PCBP3: variants seen among roughly 807,000 people sequenced by gnomAD.
PCBP3 encodes the protein poly(rC)-binding protein 3.
In PCBP3, 25 loss-of-function variants were observed where a neutral mutation model predicts 52.7. The ratio of observed to expected loss-of-function variants is 0.47; its 90% CI spans 0.35 to 0.66. The LOEUF (loss-of-function observed/expected upper bound fraction) is 0.66, where lower values mean the gene tolerates loss of function less well. Among genes scored for constraint, PCBP3 ranks in the 30% least tolerant of loss-of-function variants. PCBP3 has a pLI of 0.01. For missense variants in PCBP3, 391 were observed against 490.3 expected (o/e 0.80, Z 1.91); for synonymous variants, 162 against 183.0 (o/e 0.89, Z 0.93).
intron 7 of PCBP3, among the ~76,000 whole-genome samples, chr21:45,899,982 T>A (rs544714628): frequency 1.5e-5 from 2 of 133,062 alleles, no homozygotes; most frequent in East Asian, 4.5e-4. Context: ...GGAGTGCCAG[T>A]GGAGGCAGCA....
chr21:45,749,679 C>T (rs932389110), intron 3 of PCBP3: 1 of 152,156 alleles, frequency 6.6e-6, no homozygotes, highest in Non-Finnish European at 1.5e-5. Flanking sequence ...ACAGAGAGCA[C>T]GTGGATGCTG....
chr21:45,757,037 T>C (rs1298737487), intron 4 of PCBP3, among the ~76,000 whole-genome samples: 3 of 152,178 alleles, frequency 2.0e-5, no homozygotes, highest in Non-Finnish European at 4.4e-5. Flanking sequence ...TTAGCTTGAG[T>C]TTATATGTAG....
chr21:45,836,573 C>T (rs2093594653), intron 4 of PCBP3, among the ~76,000 whole-genome samples: 1 of 151,486 alleles, frequency 6.6e-6, no homozygotes, highest in Non-Finnish European at 1.5e-5. Context: ...AATGTTGTGA[C>T]ATGAGAATTA....
intron 2 of PCBP3, among the ~76,000 whole-genome samples, chr21:45,718,495 G>C (rs1279094083): frequency 6.6e-6 from 1 of 151,922 alleles, no homozygotes; most frequent in African/African-American, 2.4e-5. Context: ...GTCCTGTTCT[G>C]CCGCTTCCAT....
At chr21:45,912,907 C>T (rs913182737) in intron 11 of PCBP3, among the ~76,000 whole-genome samples, 5 of 152,122 alleles carry the variant, frequency 3.3e-5, no homozygotes, top group Non-Finnish European at 7.4e-5. Flanking sequence ...CCTGGCGCTG[C>T]GGATCCAGCC....
intron 2 of PCBP3, among the ~76,000 whole-genome samples, chr21:45,710,291 G>A (rs570517535): frequency 6.6e-6 from 1 of 152,286 alleles, no homozygotes; most frequent in South Asian, 2.1e-4. Flanking sequence ...ATCTCCTAAT[G>A]CTATCCCTCC....
At chr21:45,678,215 A>G (rs578134977) in intron 2 of PCBP3, among the ~76,000 whole-genome samples, 40 of 152,050 alleles carry the variant, frequency 2.6e-4, no homozygotes, top group African/African-American at 9.2e-4. Context: ...CTGAGGCAGG[A>G]GAATGGCATG....
chr21:45,935,823 G>A (rs2076835565), intron 16 of PCBP3, among the ~76,000 whole-genome samples: 1 of 152,246 alleles, frequency 6.6e-6, no homozygotes, highest in African/African-American at 2.4e-5. Context: ...GCATACCTGA[G>A]GGTGTGGCCT....
At position 45,917,482 on chromosome 21, in the gene PCBP3, G is replaced by A; in HGVS notation, c.676-106G>A. 2 of 848,656 alleles carry A rather than the reference G, an allele frequency of 2.4e-6. No homozygotes were observed. The highest frequency in any genetic ancestry group is 2.9e-5 in the South Asian group (2 of 69,912). 52.6% of individuals were successfully genotyped at this position (848,656 alleles called of 1,614,324 possible). On this transcript the variant is annotated intron_variant, in intron 12 of 17. Transcript: ENST00000681687. The surrounding 1 kb of genome is among the most constrained non-coding windows in gnomAD (Gnocchi z 5.3). Reference sequence around the variant, plus strand: ...GGGGACAGGTGGAGAGGCACACGAGGGGGAAGCTTCTACCGGAGGGTCCTT... The same window carrying A: ...GGGGACAGGTGGAGAGGCACACGAGAGGGAAGCTTCTACCGGAGGGTCCTT...
chr21:45,785,073 G>A (rs1280798235), intron 4 of PCBP3, among the ~76,000 whole-genome samples: 1 of 149,258 alleles, frequency 6.7e-6, no homozygotes, highest in Non-Finnish European at 1.5e-5. Context: ...CTGCCCTGTC[G>A]CCCCGTCCGG....
At chr21:45,930,685 C>T (rs761153481) in intron 14 of PCBP3, 101 bp from the exon 15 acceptor site, 41 of 634,866 alleles carry the variant, frequency 6.5e-5, no homozygotes, top group South Asian at 1.3e-4. Context: ...GAGAGAGCGC[C>T]GGTGCGTGCG....
At chr21:45,661,519 G>A (rs1030289326) in intron 1 of PCBP3, among the ~76,000 whole-genome samples, 6 of 152,084 alleles carry the variant, frequency 3.9e-5, no homozygotes, top group African/African-American at 1.4e-4. Flanking sequence ...GTATTTTTTG[G>A]TATATGTATA....
At chr21:45,815,663 G>A (rs1223911526) in intron 4 of PCBP3, among the ~76,000 whole-genome samples, 1 of 54,984 alleles carries the variant, frequency 1.8e-5, no homozygotes. Context: ...GTGGTGAGTG[G>A]TGAGTGATGA....
intron 4 of PCBP3, among the ~76,000 whole-genome samples, chr21:45,806,685 C>T (rs2092513916): frequency 6.6e-6 from 1 of 151,926 alleles, no homozygotes; most frequent in Non-Finnish European, 1.5e-5. Flanking sequence ...AGTGAAGAGT[C>T]CTCCACAAAG....
intron 2 of PCBP3, among the ~76,000 whole-genome samples, chr21:45,682,595 A>G (rs1338746387): frequency 1.3e-5 from 2 of 152,180 alleles, no homozygotes. Flanking sequence ...GACCCTGAAC[A>G]TAATGTGAAG....
chr21:45,847,318 C>G (rs1328469519), intron 4 of PCBP3, among the ~76,000 whole-genome samples: 1 of 152,140 alleles, frequency 6.6e-6, no homozygotes, highest in Non-Finnish European at 1.5e-5. Flanking sequence ...TCATCTACCT[C>G]TGATTTATTT....
Position 45,735,022 on chromosome 21 carries a change from C to T in PCBP3, c.-199-370C>T, listed in dbSNP as rs1160099589. Among the ~76,000 whole-genome samples, 1 of 152,180 alleles carries T rather than the reference C, an allele frequency of 6.6e-6. No homozygotes were observed. Among genetic ancestry groups the T allele is most frequent in the African/African-American group, 2.4e-5 (1 of 41,458 alleles). ...AGACTGTGGGTGTTCTGGGCTGTCCCGTCCCGTATACTCTCCCTGTGTTCT... is the reference window on the plus strand; with the variant it reads ...AGACTGTGGGTGTTCTGGGCTGTCCTGTCCCGTATACTCTCCCTGTGTTCT... On this transcript the variant is annotated intron_variant, in intron 2 of 17. Coordinates refer to ENST00000681687, the MANE Select transcript of PCBP3 (RefSeq NM_001384156.1). This position sits in a 1 kb window ranked among gnomAD's most constrained non-coding sequence, Gnocchi z 4.0.
intron 2 of PCBP3, among the ~76,000 whole-genome samples, chr21:45,732,246 C>T (rs1252219902): frequency 6.6e-6 from 1 of 152,088 alleles, no homozygotes; most frequent in Non-Finnish European, 1.5e-5. Context: ...TCTCTGTTCA[C>T]CCTGTCTGTG....
At chr21:45,801,765 A>G (rs2092313210) in intron 4 of PCBP3, among the ~76,000 whole-genome samples, 1 of 152,250 alleles carries the variant, frequency 6.6e-6, no homozygotes, top group Non-Finnish European at 1.5e-5. Context: ...CTGTCACTGC[A>G]TTTGCTAATT....
Sources: gnomAD v4.1 joint callset for allele counts (sites outside exome capture counted in the v4.1 genomes callset) on GRCh38, gnomAD v4.1.1 for gene constraint, Gnocchi (gnomAD v3.1) non-coding constraint, MANE v1.5 for transcripts, NCBI Gene and HGNC (gene_info 2026-07-23, HGNC 2026-07-21) for gene names.